The following USP34 variants were observed in gnomAD, a reference collection of about 807,000 sequenced individuals.
USP34 encodes the protein ubiquitin carboxyl-terminal hydrolase 34.
Under a neutral mutation model 460.3 loss-of-function variants are expected in USP34, and 70 were observed. The ratio of observed to expected loss-of-function variants is 0.15; its 90% confidence interval spans 0.13 to 0.19. USP34 has a LOEUF of 0.19. Ranked by LOEUF, USP34 falls within the 10% of genes least tolerant of loss-of-function variation. The pLI, the probability that USP34 is intolerant of heterozygous loss-of-function variation, is 1.00. For missense variants in USP34, 3,985 were observed against 4,236.2 expected (o/e 0.94, Z 1.65); for synonymous variants, 1,647 against 1,405.3 (o/e 1.17, Z -3.85).
At position 61,317,779 on chromosome 2, in the gene USP34, T is replaced by C; in HGVS notation, c.3169-12A>G. 6.2e-7 allele frequency: 1 copy of C among 1,602,942 alleles called. No homozygotes were observed. Among genetic ancestry groups the C allele is most frequent in the Non-Finnish European group, 8.5e-7 (1 of 1,172,120 alleles). ...TTTAGCTGGGGCATCTTTGGAAGGG[T>C]AGGGGGAAACACAAAGCTAATTTAG... On this transcript the variant is annotated splice_polypyrimidine_tract_variant and intron_variant, in intron 22 of 79. Coordinates refer to ENST00000398571, the MANE Select transcript of USP34 (RefSeq NM_014709.4).
intron 1 of USP34, among the ~76,000 whole-genome samples, chr2:61,443,646 G>C (rs1035060329): frequency 6.6e-6 from 1 of 152,204 alleles, no homozygotes; most frequent in East Asian, 1.9e-4. Context: ...ACAGTAAAAA[G>C]ATCAGCAGTT....
At chr2:61,198,438 T>C (rs1425764007) in intron 75 of USP34, among the ~76,000 whole-genome samples, 1 of 152,180 alleles carries the variant, frequency 6.6e-6, no homozygotes, top group Non-Finnish European at 1.5e-5. Flanking sequence ...ATAAATATCC[T>C]CTGTATATTG....
Position 61,188,245 on chromosome 2 carries a change from A to C in USP34, c.10498T>G (p.Leu3500Val). 1 of 1,614,182 alleles carries C rather than the reference A, an allele frequency of 6.2e-7. No individual in the cohort carries two copies. The highest frequency in any genetic ancestry group is 2.2e-5 in the East Asian group (1 of 44,880). ...CTGGAATGGCCACAACTGAGAGATA[A>C]AGCAACCTCAGGGTCCTGGGAGGGC... ...ALPSQDPEVA[L>V]SLSCGHSRGL... Residue 3500 changes from leucine (L) to valine (V), a missense_variant, in exon 80 of 80, where the codon TTA becomes GTA. Leu to Val is a conservative substitution (Grantham distance 32). Coordinates refer to ENST00000398571, the MANE Select transcript of USP34 (RefSeq NM_014709.4).
At chr2:61,443,457 T>A (rs1314968357) in intron 1 of USP34, among the ~76,000 whole-genome samples, 1 of 150,246 alleles carries the variant, frequency 6.7e-6, no homozygotes, top group Non-Finnish European at 1.5e-5. Flanking sequence ...TTAAAATAAA[T>A]TTTTTAAAAA....
intron 1 of USP34, among the ~76,000 whole-genome samples, chr2:61,447,423 A>G (rs1396203871): frequency 1.3e-5 from 2 of 152,150 alleles, no homozygotes; most frequent in Admixed American, 6.6e-5. Context: ...ACTGGCAATT[A>G]ACATTATCAG....
At chr2:61,204,670 A>G (rs1232388312) in intron 72 of USP34, 69 bp from the exon 73 acceptor site, 6 of 1,266,260 alleles carry the variant, frequency 4.7e-6, no homozygotes, top group Non-Finnish European at 6.8e-6. Context: ...TTTCCATCTT[A>G]CAAATCCTAT....
intron 10 of USP34, among the ~76,000 whole-genome samples, chr2:61,354,979 C>G (rs1692061096): frequency 6.6e-6 from 1 of 152,182 alleles, no homozygotes; most frequent in Non-Finnish European, 1.5e-5. Flanking sequence ...CCACATCCCT[C>G]TGTTGTTGCT....
chr2:61,190,451 A>G (rs766431143), intron 77 of USP34, 37 bp from the exon 78 acceptor site: 4 of 1,601,114 alleles, frequency 2.5e-6, no homozygotes, highest in Non-Finnish European at 2.6e-6. Flanking sequence ...CCAAAAGACC[A>G]GCATAATGAA....
rs201308304 is a variant in USP34 at position 61,441,643 on chromosome 2, C to CA, written c.44-20811dup. Reference sequence around the variant, plus strand: ...AACAGGCACAGAAATGCGTAAGTGCCAAAAAAAAAAATTAACCAGGCATCT... The same window carrying CA: ...AACAGGCACAGAAATGCGTAAGTGCCAAAAAAAAAAAATTAACCAGGCATCT... On this transcript the variant is annotated intron_variant, in intron 1 of 79. Coordinates refer to ENST00000398571, the MANE Select transcript of USP34 (RefSeq NM_014709.4). 3.4e-3 allele frequency among the ~76,000 whole-genome samples: 496 copies of CA among 144,246 alleles called. 11 individuals carry two copies. In the East Asian group the frequency reaches 0.059, roughly 17 times the overall value. 94.6% of individuals were successfully genotyped at this position (144,246 alleles called of 152,430 possible).
chr2:61,270,550 C>A (rs1287734904), intron 41 of USP34, among the ~76,000 whole-genome samples: 1 of 152,184 alleles, frequency 6.6e-6, no homozygotes, highest in Non-Finnish European at 1.5e-5. Flanking sequence ...ATTCTCGTGC[C>A]TCAGCCTCCC....
chr2:61,354,284 G>A lies in USP34; in HGVS notation c.1252-3591C>T, dbSNP rs115672905. 3.3e-3 allele frequency among the ~76,000 whole-genome samples: 496 copies of A among 152,236 alleles called. 2 individuals are homozygous for A. The highest frequency in any genetic ancestry group is 0.012 in the African/African-American group (481 of 41,538). ...AACTTGTCACATATAAGAGATCCTC[G>A]ATAAGATTATCAGCGAATTTCTCAT... On this transcript the variant is annotated intron_variant, in intron 10 of 79. Coordinates refer to ENST00000398571, the MANE Select transcript of USP34 (RefSeq NM_014709.4).
intron 49 of USP34, among the ~76,000 whole-genome samples, chr2:61,247,524 C>T (rs1688449868): frequency 1.3e-5 from 2 of 152,090 alleles, no homozygotes. Context: ...CTCTACTCTT[C>T]CAGAAAAAAA....
intron 3 of USP34, among the ~76,000 whole-genome samples, chr2:61,402,492 G>A (rs966043155): frequency 3.3e-5 from 5 of 152,176 alleles, no homozygotes; most frequent in African/African-American, 1.2e-4. Context: ...GTGCAGTAGA[G>A]TAAGACCCGG....
intron 1 of USP34, among the ~76,000 whole-genome samples, chr2:61,462,030 G>C (rs541954350): frequency 6.6e-6 from 1 of 150,760 alleles, no homozygotes; most frequent in African/African-American, 2.4e-5. Context: ...ATGAGGTCAG[G>C]AGTTCAAGAC....
At chr2:61,237,322 G>A (rs960547880) in intron 53 of USP34, among the ~76,000 whole-genome samples, 1 of 151,976 alleles carries the variant, frequency 6.6e-6, no homozygotes, top group African/African-American at 2.4e-5. Context: ...CTAAACTCTG[G>A]ATTCCAGCCA....
chr2:61,403,992 C>CAAAAAA (rs71405114), intron 3 of USP34, among the ~76,000 whole-genome samples: 10 of 29,106 alleles, frequency 3.4e-4, no homozygotes, highest in Admixed American at 6.1e-4. Context: ...GACTCTATCT[C>CAAAAAA]AAAAAAAAAA....
intron 72 of USP34, among the ~76,000 whole-genome samples, chr2:61,205,764 T>G (rs1687102192): frequency 6.6e-6 from 1 of 152,202 alleles, no homozygotes; most frequent in Admixed American, 6.5e-5. Context: ...ATTTTAGAGC[T>G]GGAGGAAGCT....
intron 48 of USP34, among the ~76,000 whole-genome samples, chr2:61,249,139 G>T (rs1396611946): frequency 6.6e-6 from 1 of 152,202 alleles, no homozygotes; most frequent in East Asian, 1.9e-4. Flanking sequence ...CAATTTTACA[G>T]ATTTTAGCAA....
chr2:61,264,510 A>G (rs1247503435), intron 43 of USP34, among the ~76,000 whole-genome samples: 1 of 151,906 alleles, frequency 6.6e-6, no homozygotes, highest in Non-Finnish European at 1.5e-5. Context: ...GCATGGTGGC[A>G]TATGCCTGCA....
Sources: gnomAD v4.1 joint callset for allele counts (sites outside exome capture counted in the v4.1 genomes callset) on GRCh38, gnomAD v4.1.1 for gene constraint, MANE v1.5 for transcripts, NCBI Gene and HGNC (gene_info 2026-07-23, HGNC 2026-07-21) for gene names.